MYH15: variants seen among roughly 807,000 people sequenced by gnomAD.
MYH15 encodes the protein myosin-15.
MYH15 carries 227 observed loss-of-function variants against 240.5 expected under a neutral mutation model. The ratio of observed to expected loss-of-function variants is 0.94; its 90% CI spans 0.85 to 1.05. MYH15 has a LOEUF of 1.05. MYH15 is among the 50% of genes least tolerant of loss of function. The pLI is 0.00. For missense variants in MYH15, 2,217 were observed against 2,247.5 expected, an observed-to-expected ratio of 0.99 and a Z score of 0.27; for synonymous variants, 785 against 796.7, an observed-to-expected ratio of 0.99 and a Z score of 0.25.
intron 9 of MYH15, among the ~76,000 whole-genome samples, chr3:108,490,345 G>T (rs1482948462): frequency 6.6e-6 from 1 of 152,190 alleles, no homozygotes; most frequent in Non-Finnish European, 1.5e-5. Flanking sequence ...ATAATGGACT[G>T]GGAGAATTGT....
chr3:108,532,777 T>C (rs892281541), upstream of MYH15, among the ~76,000 whole-genome samples: 2 of 152,170 alleles, frequency 1.3e-5, no homozygotes, highest in Non-Finnish European at 2.9e-5. Context: ...ACCCTTGTTG[T>C]TTAAGAGAAG....
Position 108,392,013 on chromosome 3 carries a change from C to A in MYH15, c.5260-83G>T, listed in dbSNP as rs2107536226. ...TTACCCATGATCTTTAGTTCCTGGT[C>A]TGACTGGCTGCCACGCCTTGCCTCT... On this transcript the variant is annotated intron_variant, in intron 36 of 40. Coordinates refer to ENST00000693548, the MANE Select transcript of MYH15 (RefSeq NM_014981.3). 19 of 1,461,094 alleles carry A rather than the reference C, an allele frequency of 1.3e-5. No individual in the cohort carries two copies. The South Asian group carries it at 2.5e-4, about 19-fold the overall frequency. The allele number at this position is 1,461,094 out of a possible 1,614,324, so 90.5% of individuals were successfully genotyped here.
intron 30 of MYH15, among the ~76,000 whole-genome samples, chr3:108,411,627 C>T (rs2082593853): frequency 6.6e-6 from 1 of 152,154 alleles, no homozygotes; most frequent in Admixed American, 6.5e-5. Context: ...CCGTAATATG[C>T]TACTATTAGG....
At chr3:108,498,231 G>A in intron 5 of MYH15, 86 bp from the exon 6 acceptor site, 1 of 1,130,900 alleles carries the variant, frequency 8.8e-7, no homozygotes, top group Non-Finnish European at 1.3e-6. Flanking sequence ...TATAGGCTAT[G>A]GCAAGCAGGG....
chr3:108,392,423 C>T (rs1485957220), intron 36 of MYH15, among the ~76,000 whole-genome samples: 1 of 152,244 alleles, frequency 6.6e-6, no homozygotes, highest in African/African-American at 2.4e-5. Flanking sequence ...GATGCTCTCA[C>T]TGCCAATAAT....
rs752722233 is a variant in MYH15 at position 108,441,102 on chromosome 3, T to A, written c.2814A>T (p.Glu938Asp). The change falls in exon 23 of 41, where the codon GAA (glutamate) becomes GAT (aspartate). Residue 938 changes from glutamate (E) to aspartate (D), a missense_variant. Transcript: ENST00000693548. The stretch of plus-strand genomic sequence containing the variant: ...CGATTTCTTTCTTCAACTCAAAACA[T>A]TCATCTTCGAGTTTCCGCCCCCTGG... ...LTARGRKLED[E>D]CFELKKEIDD... 6.2e-7 allele frequency: 1 copy of A among 1,614,136 alleles called. No homozygotes were observed. The highest frequency in any genetic ancestry group is 2.2e-5 in the East Asian group (1 of 44,882).
chr3:108,381,414 C>T lies in MYH15; in HGVS notation c.*131G>A. 2 of 1,027,012 alleles carry T rather than the reference C, an allele frequency of 1.9e-6. No individual in the cohort carries two copies. Among genetic ancestry groups the T allele is most frequent in the South Asian group, 2.7e-5 (2 of 73,386 alleles). 63.6% of individuals were successfully genotyped at this position (1,027,012 alleles called of 1,614,324 possible). ...TTCCCTTTAATTATTTTTCTAATTG[C>T]CTTGTTTATATGGTGTGAAAAGCAA... On this transcript the variant is annotated 3_prime_UTR_variant, in exon 41 of 41. Coordinates refer to ENST00000693548, the MANE Select transcript of MYH15 (RefSeq NM_014981.3).
chr3:108,510,928 T>C (rs2083518357), upstream of MYH15, among the ~76,000 whole-genome samples: 1 of 152,198 alleles, frequency 6.6e-6, no homozygotes, highest in Non-Finnish European at 1.5e-5. Flanking sequence ...CTGGATTATA[T>C]TCATCTTTAG....
the MYH15 span, chr3:108,543,373 ACTT>A: frequency 6.6e-6 from 1 of 152,230 alleles, no homozygotes; most frequent in African/African-American, 2.4e-5. Context: ...ATACTAAAGA[ACTT>A]CTCCTTGGTG....
intron 12 of MYH15, among the ~76,000 whole-genome samples, chr3:108,475,594 T>C (rs2083213314): frequency 6.6e-6 from 1 of 152,182 alleles, no homozygotes; most frequent in African/African-American, 2.4e-5. Flanking sequence ...GTGTCCCAGA[T>C]GGCATAGAAC....
At chr3:108,454,901 C>T (rs2083006355) in intron 20 of MYH15, among the ~76,000 whole-genome samples, 3 of 152,092 alleles carry the variant, frequency 2.0e-5, no homozygotes. Flanking sequence ...GTTTCACTTG[C>T]CTCAGGTCAA....
At chr3:108,527,386 G>A (rs1443569087) in intron 1 of MYH15, among the ~76,000 whole-genome samples, 1 of 152,062 alleles carries the variant, frequency 6.6e-6, no homozygotes, top group Non-Finnish European at 1.5e-5. Context: ...CATAGTCCAG[G>A]AGAGGCAAAT....
intron 28 of MYH15, among the ~76,000 whole-genome samples, chr3:108,418,554 CAT>C (rs1368495781): frequency 6.6e-6 from 1 of 151,948 alleles, no homozygotes; most frequent in Non-Finnish European, 1.5e-5. Flanking sequence ...GCTTCAACCT[CAT>C]AGACCCCCTA....
intron 1 of MYH15, 112 bp downstream of exon 1, chr3:108,510,331 A>G: frequency 7.1e-7 from 1 of 1,405,114 alleles, no homozygotes. Flanking sequence ...TCATACCCTA[A>G]GCAAATAAGT....
chr3:108,505,958 A>G (rs1240520028), intron 1 of MYH15, 129 bp from the exon 2 acceptor site: 6 of 550,432 alleles, frequency 1.1e-5, no homozygotes, highest in Non-Finnish European at 1.9e-5. Flanking sequence ...AGGAACTTGC[A>G]AAGTCAGATA....
At chr3:108,492,438 C>T (rs2083357237) in intron 9 of MYH15, 62 bp downstream of exon 9, 2 of 1,254,866 alleles carry the variant, frequency 1.6e-6, no homozygotes, top group African/African-American at 1.5e-5. Context: ...TTTTTCATCC[C>T]CCAAATATGA....
chr3:108,517,260 T>C (rs575722532), intron 1 of MYH15, among the ~76,000 whole-genome samples: 9 of 152,310 alleles, frequency 5.9e-5, no homozygotes, highest in African/African-American at 1.9e-4. Context: ...TACACTTTAC[T>C]ACCTCCCAAT....
intron 34 of MYH15, 99 bp downstream of exon 34, chr3:108,398,976 C>T (rs1208173748): frequency 4.1e-6 from 6 of 1,464,098 alleles, no homozygotes; most frequent in South Asian, 3.6e-5. Flanking sequence ...GATTTGTTGT[C>T]CTCATCTTTA....
At chr3:108,488,649 G>C (rs1159460945) in intron 9 of MYH15, among the ~76,000 whole-genome samples, 1 of 152,028 alleles carries the variant, frequency 6.6e-6, no homozygotes, top group Non-Finnish European at 1.5e-5. Context: ...GTATCCTATT[G>C]TGTATATATA....
Sources: gnomAD v4.1 joint callset for allele counts (sites outside exome capture counted in the v4.1 genomes callset) on GRCh38, gnomAD v4.1.1 for gene constraint, MANE v1.5 for transcripts, NCBI Gene and HGNC (gene_info 2026-07-23, HGNC 2026-07-21) for gene names.